The following LYPD6B variants were observed in gnomAD, a reference collection of about 807,000 sequenced individuals.
LYPD6B encodes the protein LY6/PLAUR domain containing 6B.
A neutral mutation model predicts 22.8 loss-of-function variants in LYPD6B; 17 were observed. That is an observed-to-expected ratio of 0.75 (90% CI 0.51 to 1.12). The LOEUF is 1.12. Ranked by LOEUF, LYPD6B falls within the 50% of genes most tolerant of loss-of-function variation. The pLI, the probability that LYPD6B is intolerant of heterozygous loss-of-function variation, is 0.00. For synonymous variants in LYPD6B, 106 were observed against 91.6 expected, an observed-to-expected ratio of 1.16 and a Z score of -0.90; for missense variants, 221 against 258.3, an observed-to-expected ratio of 0.86 and a Z score of 0.99.
chr2:149,152,422 C>T (rs975569549), intron 2 of LYPD6B, among the ~76,000 whole-genome samples: 2 of 152,084 alleles, frequency 1.3e-5, no homozygotes, highest in African/African-American at 4.8e-5. Flanking sequence ...CACACAAAAC[C>T]AAAAGTGAGT....
chr2:149,122,400 A>T (rs6720055), intron 1 of LYPD6B, among the ~76,000 whole-genome samples: 61,526 of 150,592 alleles, frequency 0.41, 13,017 homozygotes, highest in African/African-American at 0.53. Flanking sequence ...TCTTTTTTTT[A>T]AAAATTATTA....
intron 2 of LYPD6B, among the ~76,000 whole-genome samples, chr2:149,156,877 A>T (rs545705539): frequency 6.6e-6 from 1 of 152,228 alleles, no homozygotes; most frequent in South Asian, 2.1e-4. Flanking sequence ...TGATTGCCTT[A>T]TTGGGGTTCT....
At chr2:149,169,102 A>G (rs574309246) in intron 3 of LYPD6B, among the ~76,000 whole-genome samples, 1 of 152,286 alleles carries the variant, frequency 6.6e-6, no homozygotes, top group South Asian at 2.1e-4. Context: ...TGGTAAGGAG[A>G]TTCAGATTAA....
At chr2:149,177,830 C>T (rs1182445284) in intron 3 of LYPD6B, among the ~76,000 whole-genome samples, 1 of 132,914 alleles carries the variant, frequency 7.5e-6, no homozygotes, top group African/African-American at 2.7e-5. Context: ...ATCCCTTCTG[C>T]AAGAGTTTTT....
intron 3 of LYPD6B, among the ~76,000 whole-genome samples, chr2:149,190,252 T>A (rs1312006108): frequency 6.6e-6 from 1 of 152,112 alleles, no homozygotes; most frequent in African/African-American, 2.4e-5. Flanking sequence ...GGTAACACAA[T>A]AGGTAATGTG....
At chr2:149,081,563 A>G (rs1685136317) in intron 1 of LYPD6B, among the ~76,000 whole-genome samples, 1 of 152,176 alleles carries the variant, frequency 6.6e-6, no homozygotes, top group African/African-American at 2.4e-5. Flanking sequence ...CCTGTAGGAA[A>G]CAAGGAACTC....
chr2:149,200,533 T>C (rs1693082453), intron 3 of LYPD6B: 1 of 150,652 alleles, frequency 6.6e-6, no homozygotes, highest in Non-Finnish European at 1.5e-5. Context: ...AAAAAAAAAA[T>C]GTGGGTCATT....
chr2:149,097,251 A>C (rs2105467463), intron 1 of LYPD6B, among the ~76,000 whole-genome samples: 1 of 152,344 alleles, frequency 6.6e-6, no homozygotes, highest in Non-Finnish European at 1.5e-5. Flanking sequence ...AAGTCCTTAA[A>C]GTATGAGGCC....
intron 1 of LYPD6B, among the ~76,000 whole-genome samples, chr2:149,061,043 G>GA (rs1289799419): frequency 2.0e-5 from 3 of 152,176 alleles, no homozygotes; most frequent in Non-Finnish European, 2.9e-5. Context: ...AGAGAGAAGG[G>GA]AAAATATGCT....
intron 3 of LYPD6B, among the ~76,000 whole-genome samples, chr2:149,186,463 G>A (rs1268087318): frequency 1.3e-5 from 2 of 152,320 alleles, no homozygotes; most frequent in South Asian, 2.1e-4. Flanking sequence ...GGGTTCATGA[G>A]GATGAAGGAA....
At chr2:149,135,965 G>A (rs1423379044) in intron 2 of LYPD6B, among the ~76,000 whole-genome samples, 1 of 151,976 alleles carries the variant, frequency 6.6e-6, no homozygotes, top group East Asian at 1.9e-4. Context: ...TCCCATGAAT[G>A]CCTAATCATA....
chr2:149,059,125 C>T (rs1217247047), intron 1 of LYPD6B, among the ~76,000 whole-genome samples: 2 of 152,254 alleles, frequency 1.3e-5, no homozygotes, highest in African/African-American at 4.8e-5. Flanking sequence ...AACCACCTGT[C>T]AGCTGCACAG....
Position 149,067,933 on chromosome 2 carries a change from C to T in LYPD6B, c.-67+29132C>T, listed in dbSNP as rs1684417324. Among the ~76,000 whole-genome samples, 3 of 152,166 alleles carry T rather than the reference C, an allele frequency of 2.0e-5. No homozygotes were observed. The South Asian group carries it at 6.2e-4, about 31-fold the overall frequency. On this transcript the variant is annotated intron_variant, in intron 1 of 6. Transcript: ENST00000409642. Reference sequence around the variant, plus strand: ...CTTTGGAAGAATGCGTGACCACCCTCCTCTCAAACTGGCCTGATAGGAGGG... The same window carrying T: ...CTTTGGAAGAATGCGTGACCACCCTTCTCTCAAACTGGCCTGATAGGAGGG...
At chr2:149,200,897 G>C (rs1297209825) in intron 3 of LYPD6B, among the ~76,000 whole-genome samples, 1 of 152,160 alleles carries the variant, frequency 6.6e-6, no homozygotes, top group Non-Finnish European at 1.5e-5. Context: ...AAGTATTAAT[G>C]TATCTTCCGA....
chr2:149,195,762 G>A (rs1337948819), intron 3 of LYPD6B, among the ~76,000 whole-genome samples: 1 of 152,152 alleles, frequency 6.6e-6, no homozygotes, highest in East Asian at 1.9e-4. Context: ...AGCTTTCTAA[G>A]TGATTTAATA....
At chr2:149,139,305 A>G (rs1333523932) in intron 2 of LYPD6B, among the ~76,000 whole-genome samples, 1 of 152,194 alleles carries the variant, frequency 6.6e-6, no homozygotes, top group Non-Finnish European at 1.5e-5. Flanking sequence ...TATTCCTCTC[A>G]GGTGTCGTCA....
chr2:149,072,179 T>C (rs1482066009), intron 1 of LYPD6B, among the ~76,000 whole-genome samples: 1 of 152,112 alleles, frequency 6.6e-6, no homozygotes, highest in Non-Finnish European at 1.5e-5. Flanking sequence ...TGATCTGCCC[T>C]CCTCAGTCTC....
intron 1 of LYPD6B, among the ~76,000 whole-genome samples, chr2:149,111,534 C>T (rs1686759913): frequency 6.6e-6 from 1 of 152,088 alleles, no homozygotes; most frequent in Non-Finnish European, 1.5e-5. Flanking sequence ...TTGTGTGTCT[C>T]TTCATCTGAC....
chr2:149,120,500 A>G (rs1304963643), intron 1 of LYPD6B, among the ~76,000 whole-genome samples: 1 of 145,468 alleles, frequency 6.9e-6, no homozygotes, highest in Non-Finnish European at 1.5e-5. Flanking sequence ...CTCCTGCCTC[A>G]GCCTCCCAAG....
Sources: gnomAD v4.1 joint callset for allele counts (sites outside exome capture counted in the v4.1 genomes callset) on GRCh38, gnomAD v4.1.1 for gene constraint, MANE v1.5 for transcripts, NCBI Gene and HGNC (gene_info 2026-07-23, HGNC 2026-07-21) for gene names.